Variants in TTC34 observed in about 807,000 individuals in gnomAD.
The protein encoded by TTC34 is tetratricopeptide repeat protein 34.
In TTC34, 44 loss-of-function variants were observed where a neutral mutation model predicts 40.7. The ratio of observed to expected loss-of-function variants is 1.08; its 90% confidence interval spans 0.85 to 1.39. The LOEUF (loss-of-function observed/expected upper bound fraction) is 1.39. Among genes scored for constraint, TTC34 ranks in the 40% most tolerant of loss-of-function variants. The pLI, the probability that TTC34 is intolerant of heterozygous loss-of-function variation, is 0.00. For synonymous variants in TTC34, 422 were observed against 398.6 expected (o/e 1.06, Z -0.70); for missense variants, 884 against 838.0 (o/e 1.05, Z -0.68).
chr1:2,694,599 G>A lies in TTC34; in HGVS notation c.2227-49036C>T, dbSNP rs549473327. Among the ~76,000 whole-genome samples the A allele has an allele frequency of 2.2e-5, 2 of 89,814 alleles. 1 individual carries two copies. Among genetic ancestry groups the A allele is most frequent in the Admixed American group, 2.1e-4 (2 of 9,580 alleles). 58.9% of individuals were successfully genotyped at this position (89,814 alleles called of 152,430 possible). A position where few individuals can be genotyped will look rare whatever the true frequency, so the allele number is the denominator to read the frequency against. ...TGGAACAGTACCCACACCCACAGGC[G>A]AGCATCTGAAACCACGGAGCAGCAC... On this transcript the variant is annotated intron_variant, in intron 6 of 8. Transcript: ENST00000401095.
intron 6 of TTC34, among the ~76,000 whole-genome samples, chr1:2,686,696 C>T (rs1185266221): frequency 3.0e-4 from 10 of 33,468 alleles, no homozygotes; most frequent in African/African-American, 4.9e-4. Flanking sequence ...CAGGTGCGCA[C>T]GTGACAGCCT....
intron 6 of TTC34, among the ~76,000 whole-genome samples, chr1:2,767,416 C>T (rs1338353481): frequency 6.9e-6 from 1 of 144,592 alleles, no homozygotes; most frequent in African/African-American, 2.6e-5. Flanking sequence ...AGGTGAGCAT[C>T]TGACCGCATG....
exon 9 of TTC34, chr1:2,639,441 A>G (rs982634706): frequency 1.3e-5 from 2 of 152,432 alleles, no homozygotes; most frequent in Admixed American, 1.3e-4. Context: ...CACTGCCTCC[A>G]CCTGGCCCCG....
At chr1:2,677,965 A>C (rs1468012554) in intron 6 of TTC34, among the ~76,000 whole-genome samples, 11 of 30,526 alleles carry the variant, frequency 3.6e-4, no homozygotes, top group Non-Finnish European at 4.3e-4. Flanking sequence ...CTGGAGCAGC[A>C]ACCACACTCC....
chr1:2,674,718 C>T (rs1394781129), intron 6 of TTC34, among the ~76,000 whole-genome samples: 3 of 32,996 alleles, frequency 9.1e-5, no homozygotes, highest in African/African-American at 3.1e-4. Context: ...CAGCACCCTG[C>T]ACCCCCAGGT....
In TTC34 at chr1:2,769,912, C is replaced by T. The variant is rs371520131; in HGVS notation, c.2226+13697G>A. Among the ~76,000 whole-genome samples, 26 of 82,698 alleles carry T rather than the reference C, an allele frequency of 3.1e-4. 2 individuals are homozygous for T. The East Asian group carries it at 9.4e-3, about 30-fold the overall frequency. 54.3% of individuals were successfully genotyped at this position (82,698 alleles called of 152,430 possible). A position where few individuals can be genotyped will look rare whatever the true frequency, so the allele number is the denominator to read the frequency against. ...CTGACATCCTGGAGCTGCACCCATA[C>T]CCCCAGGTGAGATCTGACAGCCTGG... On this transcript the variant is annotated intron_variant, in intron 6 of 8. Coordinates refer to ENST00000401095, the Ensembl canonical transcript of TTC34.
chr1:2,795,512 A>T (rs1412580415), intron 2 of TTC34, among the ~76,000 whole-genome samples: 1 of 152,178 alleles, frequency 6.6e-6, no homozygotes, highest in Non-Finnish European at 1.5e-5. Context: ...GAGAATTCCA[A>T]GGTGAAGGTG....
At chr1:2,683,760 G>T (rs1373606039) in intron 6 of TTC34, among the ~76,000 whole-genome samples, 2 of 150,306 alleles carry the variant, frequency 1.3e-5, no homozygotes, top group African/African-American at 2.5e-5. Flanking sequence ...ACACCCCCAG[G>T]TGAGCATCTG....
At chr1:2,681,133 A>G (rs371570198) in intron 6 of TTC34, among the ~76,000 whole-genome samples, 2 of 109,952 alleles carry the variant, frequency 1.8e-5, no homozygotes, top group Non-Finnish European at 3.9e-5. Context: ...AGCGTGGAGC[A>G]GCACCCACAG....
chr1:2,687,325 C>T (rs1557612887), intron 6 of TTC34, among the ~76,000 whole-genome samples: 1 of 128,374 alleles, frequency 7.8e-6, no homozygotes, highest in East Asian at 2.5e-4. Flanking sequence ...GCACCCCAAA[C>T]CCACAGGTGA....
intron 6 of TTC34, among the ~76,000 whole-genome samples, chr1:2,748,843 C>A (rs1255906968): frequency 1.4e-5 from 2 of 138,724 alleles, no homozygotes; most frequent in Non-Finnish European, 3.0e-5. Flanking sequence ...ACCCACAAAC[C>A]CAGGTGAGCA....
In TTC34 at chr1:2,700,041, C is replaced by A. The variant is rs1456011053; in HGVS notation, c.2227-54478G>T. Among the ~76,000 whole-genome samples, 2 of 123,538 alleles carry A rather than the reference C, an allele frequency of 1.6e-5. 1 individual carries two copies. The highest frequency in any genetic ancestry group is 3.8e-5 in the Non-Finnish European group (2 of 52,562). 81.0% of individuals were successfully genotyped at this position (123,538 alleles called of 152,430 possible). On this transcript the variant is annotated intron_variant, in intron 6 of 8. Transcript: ENST00000401095. ...CAGGTGAGCATCTGATAGCCTGGAGCAGCGCCCACACCCAGAGGTGAGCAT... is the reference window on the plus strand; with the variant it reads ...CAGGTGAGCATCTGATAGCCTGGAGAAGCGCCCACACCCAGAGGTGAGCAT...
chr1:2,694,952 C>G (rs994707985), intron 6 of TTC34, among the ~76,000 whole-genome samples: 31 of 68,764 alleles, frequency 4.5e-4, no homozygotes, highest in African/African-American at 8.6e-4. Flanking sequence ...GCACCCACAC[C>G]CCCAGGTGAG....
intron 6 of TTC34, among the ~76,000 whole-genome samples, chr1:2,752,754 G>C (rs1334975844): frequency 1.7e-5 from 2 of 117,702 alleles, no homozygotes; most frequent in East Asian, 3.0e-4. Context: ...GCATCTGACA[G>C]CGTGGAACAG....
At chr1:2,691,528 G>C (rs1351387057) in intron 6 of TTC34, among the ~76,000 whole-genome samples, 1 of 105,842 alleles carries the variant, frequency 9.4e-6, no homozygotes, top group Non-Finnish European at 2.2e-5. Flanking sequence ...GGAGAGTCTG[G>C]AACAGAACCC....
At chr1:2,687,932 G>T (rs1202956955) in intron 6 of TTC34, among the ~76,000 whole-genome samples, 1 of 149,316 alleles carries the variant, frequency 6.7e-6, no homozygotes, top group African/African-American at 2.4e-5. Context: ...CACACGCCCA[G>T]GTGAGCCTCT....
chr1:2,792,599 C>A (rs4648356), intron 2 of TTC34, among the ~76,000 whole-genome samples: 58,802 of 151,994 alleles, frequency 0.39, 11,960 homozygotes, highest in East Asian at 0.55. Flanking sequence ...GTGGACAGAG[C>A]TGAAGTCTCC....
Position 2,787,711 on chromosome 1 carries a change from G to C in TTC34, c.1629-5C>G. On this transcript the variant is annotated splice_polypyrimidine_tract_variant and splice_region_variant and intron_variant, in intron 3 of 8. Coordinates refer to ENST00000401095, the Ensembl canonical transcript of TTC34. Reference sequence around the variant, plus strand: ...TGGTGCACGCCGCAGGCGACCCTGTGTGGAGATCAGCTCAGGGGGGCATGC... The same window carrying C: ...TGGTGCACGCCGCAGGCGACCCTGTCTGGAGATCAGCTCAGGGGGGCATGC... The C allele has an allele frequency of 6.5e-7, 1 of 1,534,438 alleles. No individual in the cohort carries two copies. Among genetic ancestry groups the C allele is most frequent in the Non-Finnish European group, 8.8e-7 (1 of 1,135,646 alleles).
intron 6 of TTC34, chr1:2,776,417 T>TA (rs1643168740): frequency 8.7e-6 from 1 of 114,786 alleles, no homozygotes; most frequent in African/African-American, 4.2e-5. Context: ...CCAGGTAAGA[T>TA]TCCAACAGCA....
Sources: allele counts gnomAD v4.1 joint callset (sites outside exome capture counted in the v4.1 genomes callset), GRCh38; gene constraint gnomAD v4.1.1; transcripts MANE v1.5; gene names NCBI Gene and HGNC (gene_info 2026-07-23, HGNC 2026-07-21).